ARL6IP5: variants seen among roughly 807,000 people sequenced by gnomAD.
The protein encoded by ARL6IP5 is PRA1 family protein 3.
A neutral mutation model predicts 13.0 loss-of-function variants in ARL6IP5; 6 were observed. The observed-to-expected ratio is 0.46, with a 90% CI of 0.25 to 0.91. The LOEUF (loss-of-function observed/expected upper bound fraction) is 0.91. Ranked by LOEUF, ARL6IP5 falls within the 40% of genes least tolerant of loss-of-function variation. The pLI is 0.17. For missense variants in ARL6IP5, 208 were observed against 248.8 expected, an observed-to-expected ratio of 0.84 and a Z score of 1.10; for synonymous variants, 91 against 91.9, an observed-to-expected ratio of 0.99 and a Z score of 0.06.
intron 1 of ARL6IP5, among the ~76,000 whole-genome samples, chr3:69,097,538 C>T (rs2092291009): frequency 6.6e-6 from 1 of 152,132 alleles, no homozygotes; most frequent in Non-Finnish European, 1.5e-5. Context: ...AAGGCCTCTT[C>T]ATTCACTCTC....
chr3:69,092,720 A>G (rs962910315), intron 1 of ARL6IP5, among the ~76,000 whole-genome samples: 5 of 151,770 alleles, frequency 3.3e-5, no homozygotes, highest in African/African-American at 1.2e-4. Context: ...GGGTTTCACC[A>G]TGTTGGCCAG....
chr3:69,104,081 G>C (rs1442409761), intron 2 of ARL6IP5, among the ~76,000 whole-genome samples: 1 of 152,138 alleles, frequency 6.6e-6, no homozygotes, highest in Non-Finnish European at 1.5e-5. Context: ...TCGAGCAAGA[G>C]TTCTTTTCTG....
chr3:69,091,801 C>G (rs2092268331), intron 1 of ARL6IP5, among the ~76,000 whole-genome samples: 1 of 151,858 alleles, frequency 6.6e-6, no homozygotes, highest in East Asian at 1.9e-4. Flanking sequence ...GGCCCCCTGT[C>G]TTAGAAAGGA....
At chr3:69,098,956 A>T (rs1272775648) in intron 1 of ARL6IP5, among the ~76,000 whole-genome samples, 2 of 152,168 alleles carry the variant, frequency 1.3e-5, no homozygotes, top group South Asian at 4.1e-4. Context: ...TTTTTGTTTA[A>T]TTCCTTAGAC....
Position 69,105,299 on chromosome 3 carries a change from G to A in ARL6IP5, c.*663G>A, listed in dbSNP as rs1185769828. The stretch of plus-strand genomic sequence containing the variant: ...AGCAAGTATTTGTTGCAAACTTAAT[G>A]TCATTTTCCTTAAGATGGTTACAGC... On this transcript the variant is annotated 3_prime_UTR_variant, in exon 3 of 3. Transcript: ENST00000273258. 1 of 170,734 alleles carries A rather than the reference G, an allele frequency of 5.9e-6. No homozygotes were observed. The highest frequency in any genetic ancestry group is 2.4e-5 in the African/African-American group (1 of 41,586). 10.6% of individuals were successfully genotyped at this position (170,734 alleles called of 1,614,324 possible).
chr3:69,102,810 T>A (rs1379688808), intron 2 of ARL6IP5, among the ~76,000 whole-genome samples: 3 of 152,206 alleles, frequency 2.0e-5, no homozygotes, highest in Non-Finnish European at 4.4e-5. Flanking sequence ...GGTAAGTCTA[T>A]AGGAATAATT....
chr3:69,093,085 G>GT (rs921087342), intron 1 of ARL6IP5, among the ~76,000 whole-genome samples: 3 of 152,096 alleles, frequency 2.0e-5, no homozygotes, highest in African/African-American at 7.2e-5. Flanking sequence ...TTGAAGCTCC[G>GT]TCACTGTGGG....
chr3:69,088,528 A>G (rs73110256), intron 1 of ARL6IP5, among the ~76,000 whole-genome samples: 2,927 of 152,324 alleles, frequency 0.019, 40 homozygotes, highest in Non-Finnish European at 0.024. Flanking sequence ...TGAGGGAAGA[A>G]CATAGCAAAT....
intron 1 of ARL6IP5, among the ~76,000 whole-genome samples, chr3:69,096,029 G>T (rs544489211): frequency 6.6e-6 from 1 of 152,354 alleles, no homozygotes; most frequent in African/African-American, 2.4e-5. Context: ...GTGTGTGTGT[G>T]TGTGTCTGTC....
intron 1 of ARL6IP5, chr3:69,089,979 G>A: frequency 2.5e-6 from 1 of 398,316 alleles, no homozygotes; most frequent in Non-Finnish European, 4.9e-6. Context: ...TTTCTAGAAG[G>A]CTGGTAATTA....
chr3:69,102,617 G>A (rs1342697894), intron 2 of ARL6IP5, among the ~76,000 whole-genome samples: 3 of 152,158 alleles, frequency 2.0e-5, no homozygotes, highest in Non-Finnish European at 4.4e-5. Flanking sequence ...CAAATCCCAG[G>A]TCATACAGCA....
intron 2 of ARL6IP5, among the ~76,000 whole-genome samples, chr3:69,103,331 AC>A (rs1275596280): frequency 6.6e-6 from 1 of 152,206 alleles, no homozygotes; most frequent in Non-Finnish European, 1.5e-5. Context: ...CTATTCTTAG[AC>A]CTGCTGGAAA....
At chr3:69,089,141 G>T (rs2092257078) in intron 1 of ARL6IP5, among the ~76,000 whole-genome samples, 2 of 152,162 alleles carry the variant, frequency 1.3e-5, no homozygotes, top group African/African-American at 4.8e-5. Flanking sequence ...GAGAGGCACT[G>T]GATTGGTCTG....
Position 69,101,956 on chromosome 3 carries a change from C to A in ARL6IP5, c.294C>A (p.Pro98=), listed in dbSNP as rs2092306945. ...TTCGCCGGATGAAGAAGCGCTACCC[C>A]ACGACGTTCGTTATGGTGGTCATGT... ...DVLRRMKKRY[P]TTFVMVVMLA... Residue 98 remains proline, a synonymous_variant, in exon 2 of 3, where the codon CCC becomes CCA. Transcript: ENST00000273258. The A allele has an allele frequency of 1.2e-6, 2 of 1,613,942 alleles. No homozygotes were observed. Among genetic ancestry groups the A allele is most frequent in the South Asian group, 1.1e-5 (1 of 91,080 alleles).
Position 69,104,760 on chromosome 3 carries a change from C to A in ARL6IP5, c.*124C>A. The A allele has an allele frequency of 9.1e-7, 1 of 1,104,750 alleles. No homozygotes were observed. Among genetic ancestry groups the A allele is most frequent in the Non-Finnish European group, 1.3e-6 (1 of 748,420 alleles). The allele number at this position is 1,104,750 out of a possible 1,614,324, so 68.4% of individuals were successfully genotyped here. ...CGTACCACCCAATTATCTATGGCAG[C>A]ATGCATGTATAGGCCGAACTATTAT... is the stretch of plus-strand genomic sequence containing the variant. On this transcript the variant is annotated 3_prime_UTR_variant, in exon 3 of 3. Coordinates refer to ENST00000273258, the MANE Select transcript of ARL6IP5 (RefSeq NM_006407.4).
intron 1 of ARL6IP5, among the ~76,000 whole-genome samples, chr3:69,093,752 T>G (rs1163905160): frequency 1.5e-5 from 2 of 135,892 alleles, no homozygotes; most frequent in South Asian, 2.6e-4. Context: ...CAGAGGGAGA[T>G]TCTGTCTCAA....
intron 1 of ARL6IP5, among the ~76,000 whole-genome samples, chr3:69,093,401 T>C (rs1575859972): frequency 6.6e-6 from 1 of 152,222 alleles, no homozygotes; most frequent in South Asian, 2.1e-4. Flanking sequence ...TTTTACCTAC[T>C]GTACAGTCTC....
At chr3:69,101,714 A>G in intron 1 of ARL6IP5, 125 bp from the exon 2 acceptor site, 1 of 808,538 alleles carries the variant, frequency 1.2e-6, no homozygotes, top group South Asian at 1.7e-5. Flanking sequence ...AAATCAAATG[A>G]GACAATTTAG....
At chr3:69,101,725 ATAAAGTAT>A (rs1173813507) in intron 1 of ARL6IP5, 106 bp from the exon 2 acceptor site, 19 of 850,008 alleles carry the variant, frequency 2.2e-5, no homozygotes, top group Admixed American at 2.1e-4. Context: ...GACAATTTAG[ATAAAGTAT>A]TAAAGTATTA....
Sources: gnomAD v4.1 joint callset for allele counts (sites outside exome capture counted in the v4.1 genomes callset) on GRCh38, gnomAD v4.1.1 for gene constraint, MANE v1.5 for transcripts, NCBI Gene and HGNC (gene_info 2026-07-23, HGNC 2026-07-21) for gene names.